RBMS3: variants seen among roughly 807,000 people sequenced by gnomAD.
The protein encoded by RBMS3 is RNA-binding motif, single-stranded-interacting protein 3.
RBMS3 carries 27 observed loss-of-function variants against 66.8 expected under a neutral mutation model. The ratio of observed to expected loss-of-function variants is 0.40; its 90% CI spans 0.30 to 0.56. The LOEUF (loss-of-function observed/expected upper bound fraction) is 0.56. Ranked by LOEUF, RBMS3 falls within the 20% of genes least tolerant of loss-of-function variation. The pLI, the probability that RBMS3 is intolerant of heterozygous loss-of-function variation, is 0.40. For missense variants in RBMS3, 513 were observed against 549.5 expected (o/e 0.93, Z 0.66); for synonymous variants, 188 against 183.0 (o/e 1.03, Z -0.22).
rs551742977 is a variant in RBMS3 at position 29,488,148 on chromosome 3, A to G, written c.249-293A>G. ...GGTCCATGCTTTCTTCCATGAATCCACAGAGTGCGATTTACTGTGATCACA... is the reference window on the plus strand; with the variant it reads ...GGTCCATGCTTTCTTCCATGAATCCGCAGAGTGCGATTTACTGTGATCACA... On this transcript the variant is annotated intron_variant, in intron 2 of 14. Coordinates refer to ENST00000383767, the MANE Select transcript of RBMS3 (RefSeq NM_001003793.3). Among the ~76,000 whole-genome samples the G allele has an allele frequency of 2.1e-3, 324 of 152,330 alleles. 1 individual carries two copies. The highest frequency in any genetic ancestry group is 6.9e-3 in the African/African-American group (285 of 41,566).
intron 5 of RBMS3, among the ~76,000 whole-genome samples, chr3:29,744,920 T>C (rs75844108): frequency 6.6e-6 from 1 of 152,216 alleles, no homozygotes; most frequent in African/African-American, 2.4e-5. Flanking sequence ...TTCAGTGGAC[T>C]TCATTTTGAA....
chr3:29,494,237 G>A (rs959511606), intron 3 of RBMS3, among the ~76,000 whole-genome samples: 4 of 152,146 alleles, frequency 2.6e-5, no homozygotes, highest in South Asian at 2.1e-4. Context: ...TCCTATTTTA[G>A]CATTTAAAAG....
intron 1 of RBMS3, among the ~76,000 whole-genome samples, chr3:29,407,266 G>T (rs973315280): frequency 9.2e-5 from 14 of 152,262 alleles, no homozygotes; most frequent in Non-Finnish European, 1.5e-4. Flanking sequence ...GTTGATACTG[G>T]CCTTATTCTC....
chr3:29,535,825 C>T (rs1449432958), intron 3 of RBMS3, among the ~76,000 whole-genome samples: 1 of 137,762 alleles, frequency 7.3e-6, no homozygotes, highest in African/African-American at 2.7e-5. Context: ...TTCATGGACT[C>T]ATTTATAATT....
intron 3 of RBMS3, among the ~76,000 whole-genome samples, chr3:29,584,725 C>T (rs1454617819): frequency 6.6e-6 from 1 of 152,042 alleles, no homozygotes; most frequent in African/African-American, 2.4e-5. Flanking sequence ...CCAGTTCAGT[C>T]AATCCATTTA....
intron 6 of RBMS3, among the ~76,000 whole-genome samples, chr3:29,775,521 C>G (rs1024137927): frequency 6.6e-6 from 1 of 151,952 alleles, no homozygotes; most frequent in African/African-American, 2.4e-5. Context: ...AGTCTGCCCA[C>G]AATTTAGGGA....
At chr3:29,512,625 A>G (rs1342376734) in intron 3 of RBMS3, among the ~76,000 whole-genome samples, 1 of 152,106 alleles carries the variant, frequency 6.6e-6, no homozygotes, top group Non-Finnish European at 1.5e-5. Flanking sequence ...AGACTTGAGG[A>G]TTACTACTAA....
intron 4 of RBMS3, among the ~76,000 whole-genome samples, chr3:29,621,187 C>CTT (rs112009474): frequency 0.032 from 4,634 of 143,912 alleles, 188 homozygotes; most frequent in African/African-American, 0.099. Flanking sequence ...ATGTCTGCTT[C>CTT]TTTTTTTTTT....
chr3:29,556,145 C>A (rs544925128), intron 3 of RBMS3, among the ~76,000 whole-genome samples: 47 of 152,082 alleles, frequency 3.1e-4, no homozygotes, highest in Non-Finnish European at 2.9e-5. Context: ...AAGCTTATAT[C>A]CAGGTAAATC....
chr3:29,862,391 C>T (rs2059236936), intron 6 of RBMS3, among the ~76,000 whole-genome samples: 1 of 152,190 alleles, frequency 6.6e-6, no homozygotes, highest in Non-Finnish European at 1.5e-5. Flanking sequence ...CACACATACA[C>T]ATTGCACACA....
At chr3:29,757,421 C>A (rs1277429922) in intron 5 of RBMS3, among the ~76,000 whole-genome samples, 2 of 152,172 alleles carry the variant, frequency 1.3e-5, no homozygotes, top group African/African-American at 4.8e-5. Context: ...TTTCCAAAAT[C>A]TCTTTGCAGT....
At chr3:29,561,823 C>T (rs2046566664) in intron 3 of RBMS3, among the ~76,000 whole-genome samples, 1 of 152,112 alleles carries the variant, frequency 6.6e-6, no homozygotes, top group Admixed American at 6.5e-5. Flanking sequence ...CTCTAACAAT[C>T]AGTGATATTG....
chr3:29,831,972 A>G (rs569224467), intron 6 of RBMS3, among the ~76,000 whole-genome samples: 1 of 152,256 alleles, frequency 6.6e-6, no homozygotes, highest in South Asian at 2.1e-4. Flanking sequence ...TCATAAGCTT[A>G]GTAGGGCTTA....
chr3:29,683,493 A>C (rs1295386242), intron 4 of RBMS3, among the ~76,000 whole-genome samples: 2 of 152,188 alleles, frequency 1.3e-5, no homozygotes, highest in Non-Finnish European at 2.9e-5. Flanking sequence ...GAGAAAAAAC[A>C]ACTTTAGGAA....
intron 4 of RBMS3, among the ~76,000 whole-genome samples, chr3:29,601,100 T>C (rs1305352806): frequency 6.6e-6 from 1 of 151,922 alleles, no homozygotes; most frequent in African/African-American, 2.4e-5. Flanking sequence ...ATTGTGACAA[T>C]TGAGTTCATC....
At chr3:29,918,594 A>G (rs2060695042) in intron 10 of RBMS3, among the ~76,000 whole-genome samples, 1 of 152,126 alleles carries the variant, frequency 6.6e-6, no homozygotes, top group Non-Finnish European at 1.5e-5. Context: ...ATCACTGAAT[A>G]AGACCCACCT....
chr3:29,669,929 G>A (rs1446971301), intron 4 of RBMS3, among the ~76,000 whole-genome samples: 1 of 152,158 alleles, frequency 6.6e-6, no homozygotes, highest in Non-Finnish European at 1.5e-5. Context: ...TTACACTGGT[G>A]TCCTTTGCCA....
intron 4 of RBMS3, chr3:29,642,895 G>A (rs2049778337): frequency 6.6e-6 from 1 of 152,076 alleles, no homozygotes; most frequent in African/African-American, 2.4e-5. Context: ...CTTATTCTCT[G>A]AGTAATTCAA....
intron 1 of RBMS3, among the ~76,000 whole-genome samples, chr3:29,302,782 A>T (rs2033769179): frequency 6.6e-6 from 1 of 152,012 alleles, no homozygotes; most frequent in South Asian, 2.1e-4. Flanking sequence ...TGTGGCTGGG[A>T]TGCATTATCA....
Sources: gnomAD v4.1 joint callset for allele counts (sites outside exome capture counted in the v4.1 genomes callset) on GRCh38, gnomAD v4.1.1 for gene constraint, MANE v1.5 for transcripts, NCBI Gene and HGNC (gene_info 2026-07-23, HGNC 2026-07-21) for gene names.